Variants in ESR1 observed in about 807,000 individuals in gnomAD.
ESR1 encodes the protein estrogen receptor.
In ESR1, 12 loss-of-function variants were observed where a neutral mutation model predicts 52.7. That is an observed-to-expected ratio of 0.23 (90% CI 0.15 to 0.37). The LOEUF (loss-of-function observed/expected upper bound fraction) is 0.37. Ranked by LOEUF, ESR1 falls within the 10% of genes least tolerant of loss-of-function variation. The pLI is 1.00. For synonymous variants in ESR1, 305 were observed against 316.8 expected, an observed-to-expected ratio of 0.96 and a Z score of 0.39; for missense variants, 584 against 779.7, an observed-to-expected ratio of 0.75 and a Z score of 2.99.
chr6:151,686,939 C>T (rs1006874384), upstream of ESR1, among the ~76,000 whole-genome samples: 1 of 152,156 alleles, frequency 6.6e-6, no homozygotes, highest in Admixed American at 6.5e-5. Context: ...GGTCCAGAGC[C>T]CCCTATGTGT....
upstream of ESR1, among the ~76,000 whole-genome samples, chr6:151,803,502 C>A (rs913624271): frequency 2.0e-5 from 3 of 151,976 alleles, no homozygotes; most frequent in African/African-American, 7.3e-5. Flanking sequence ...TAGGAAGGAT[C>A]GTTATGGGCA....
intron 4 of ESR1, among the ~76,000 whole-genome samples, chr6:151,963,686 T>C (rs6557177): frequency 0.2 from 30,095 of 152,220 alleles, 3,320 homozygotes; most frequent in African/African-American, 0.29. Flanking sequence ...TTTAGTTTCA[T>C]GCTATCAAAC....
chr6:152,120,437 A>G (rs1385696271), intron 6 of ESR1, among the ~76,000 whole-genome samples: 1 of 152,174 alleles, frequency 6.6e-6, no homozygotes, highest in Admixed American at 6.5e-5. Flanking sequence ...CTATAAAATA[A>G]CAGTGGGCGG....
At chr6:151,752,097 C>A (rs1259937479) in intron 2 of ESR1, among the ~76,000 whole-genome samples, 1 of 152,134 alleles carries the variant, frequency 6.6e-6, no homozygotes, top group Non-Finnish European at 1.5e-5. Flanking sequence ...TAGTACCATG[C>A]CCTGCGTGCT....
chr6:152,046,335 C>T (rs989409752), intron 5 of ESR1, among the ~76,000 whole-genome samples: 7 of 152,190 alleles, frequency 4.6e-5, no homozygotes, highest in African/African-American at 1.2e-4. Flanking sequence ...GCTGGTCCAG[C>T]GCCTGTTACT....
chr6:152,066,149 A>G (rs1278460982), intron 6 of ESR1, among the ~76,000 whole-genome samples: 1 of 152,216 alleles, frequency 6.6e-6, no homozygotes, highest in African/African-American at 2.4e-5. Context: ...GAAACGAAGG[A>G]TGCTGAAGCA....
chr6:151,679,490 C>T (rs745608143), intron 1 of ESR1, among the ~76,000 whole-genome samples: 1 of 152,156 alleles, frequency 6.6e-6, no homozygotes, highest in African/African-American at 2.4e-5. Flanking sequence ...GCTGGGACTA[C>T]AGGCGCCTTC....
intron 6 of ESR1, among the ~76,000 whole-genome samples, chr6:152,121,062 G>A (rs1173681558): frequency 2.0e-5 from 3 of 152,272 alleles, no homozygotes; most frequent in South Asian, 2.1e-4. Flanking sequence ...TATGTGCTCC[G>A]GACTAGGGCA....
At chr6:151,822,246 T>C (rs1314401655) in intron 1 of ESR1, among the ~76,000 whole-genome samples, 2 of 152,334 alleles carry the variant, frequency 1.3e-5, no homozygotes, top group Middle Eastern at 3.4e-3. Flanking sequence ...CTTTTATACA[T>C]GTAGAAGCAA....
chr6:151,865,978 C>T (rs1267141382), intron 2 of ESR1, among the ~76,000 whole-genome samples: 1 of 152,212 alleles, frequency 6.6e-6, no homozygotes, highest in African/African-American at 2.4e-5. Flanking sequence ...CCTGCCAGCG[C>T]AGTATGACCA....
intron 2 of ESR1, among the ~76,000 whole-genome samples, chr6:151,747,262 T>C (rs1783554218): frequency 6.6e-6 from 1 of 152,210 alleles, no homozygotes; most frequent in Non-Finnish European, 1.5e-5. Context: ...ATTCAGTGAG[T>C]GCAGCACAAA....
chr6:151,842,363 T>C (rs749169001), intron 1 of ESR1, among the ~76,000 whole-genome samples: 55 of 152,222 alleles, frequency 3.6e-4, no homozygotes, highest in Non-Finnish European at 6.6e-4. Flanking sequence ...GGTAACATAT[T>C]CTGGTGCAGG....
intron 4 of ESR1, among the ~76,000 whole-genome samples, chr6:151,976,362 CAATT>C (rs748018590): frequency 1.3e-3 from 198 of 152,048 alleles, no homozygotes; most frequent in African/African-American, 4.4e-3. Flanking sequence ...AATCATAAAA[CAATT>C]AATCCATCAT....
intron 2 of ESR1, among the ~76,000 whole-genome samples, chr6:151,708,592 C>G (rs1307238725): frequency 6.6e-6 from 1 of 152,162 alleles, no homozygotes; most frequent in African/African-American, 2.4e-5. Context: ...TCCCTGCTTT[C>G]TAATCTTTCC....
chr6:152,011,121 A>G (rs868335003), intron 4 of ESR1, among the ~76,000 whole-genome samples: 1 of 152,036 alleles, frequency 6.6e-6, no homozygotes, highest in Non-Finnish European at 1.5e-5. Context: ...TCATTATCCC[A>G]AGTGATTTAT....
At chr6:151,943,848 C>A (rs1332189551) in intron 3 of ESR1, among the ~76,000 whole-genome samples, 1 of 152,186 alleles carries the variant, frequency 6.6e-6, no homozygotes, top group Non-Finnish European at 1.5e-5. Context: ...TTTGTATGGG[C>A]TCACCAAAGC....
At chr6:151,728,275 T>C (rs1054991249) in intron 2 of ESR1, among the ~76,000 whole-genome samples, 1 of 152,204 alleles carries the variant, frequency 6.6e-6, no homozygotes, top group Admixed American at 6.5e-5. Flanking sequence ...GTCAGATCAC[T>C]CTCAGCCCAT....
chr6:151,698,478 T>C (rs971181958), intron 1 of ESR1, among the ~76,000 whole-genome samples: 1 of 152,162 alleles, frequency 6.6e-6, no homozygotes, highest in Non-Finnish European at 1.5e-5. Context: ...TGCACTGATT[T>C]AGGATTCTGC....
chr6:152,115,184 A>G (rs547040172), intron 6 of ESR1, among the ~76,000 whole-genome samples: 1 of 152,284 alleles, frequency 6.6e-6, no homozygotes, highest in South Asian at 2.1e-4. Context: ...ATATTATTCT[A>G]TATCTTGTTT....
Sources: allele counts gnomAD v4.1 joint callset (sites outside exome capture counted in the v4.1 genomes callset), GRCh38; gene constraint gnomAD v4.1.1; transcripts MANE v1.5; gene names NCBI Gene and HGNC (gene_info 2026-07-23, HGNC 2026-07-21).